Variants in RTEL1 observed in about 807,000 individuals in gnomAD.
RTEL1 encodes the protein regulator of telomere elongation helicase 1.
RTEL1 carries 86 observed loss-of-function variants against 162.2 expected under a neutral mutation model. The observed-to-expected ratio is 0.53, with a 90% CI of 0.45 to 0.63. RTEL1 has a LOEUF of 0.63. Among genes scored for constraint, RTEL1 ranks in the 30% least tolerant of loss-of-function variants. The pLI is 0.00. For missense variants in RTEL1, 1,941 were observed against 1,750.2 expected, an observed-to-expected ratio of 1.11 and a Z score of -1.95; for synonymous variants, 958 against 717.9, an observed-to-expected ratio of 1.33 and a Z score of -5.35.
chr20:63,668,293 C>T lies in RTEL1; in HGVS notation c.699+740C>T, dbSNP rs1334325759. Reference sequence around the variant, plus strand: ...TGTTCACGTGACGATGGCGTGGTGACGTTTCCAGATCCCGTCGTTGGTTCG... The same window carrying T: ...TGTTCACGTGACGATGGCGTGGTGATGTTTCCAGATCCCGTCGTTGGTTCG... On this transcript the variant is annotated intron_variant, in intron 8 of 34. Coordinates refer to ENST00000360203, the MANE Select transcript of RTEL1 (RefSeq NM_001283009.2). The surrounding 1 kb of genome is among the most constrained non-coding windows in gnomAD (Gnocchi z 4.3). Among the ~76,000 whole-genome samples, 2 of 152,134 alleles carry T rather than the reference C, an allele frequency of 1.3e-5. No individual in the cohort carries two copies. Among genetic ancestry groups the T allele is most frequent in the Non-Finnish European group, 2.9e-5 (2 of 68,030 alleles).
At chr20:63,679,566 C>T (rs1242271989) in intron 12 of RTEL1, among the ~76,000 whole-genome samples, 2 of 152,274 alleles carry the variant, frequency 1.3e-5, no homozygotes, top group East Asian at 3.9e-4. Context: ...CCTCTCCCCA[C>T]CTGGAGGCTC....
At chr20:63,690,980 C>G in intron 27 of RTEL1, 33 bp downstream of exon 27, 2 of 1,528,768 alleles carry the variant, frequency 1.3e-6, no homozygotes, top group Non-Finnish European at 1.8e-6. Flanking sequence ...TGGACACAGA[C>G]CCTCTGTCTC....
In RTEL1 at chr20:63,695,082, G is replaced by A; in HGVS notation, c.3360G>A (p.Val1120=). The change falls in exon 33 of 35, where the codon GTG becomes GTA. Residue 1120 remains valine (V), a synonymous_variant. Coordinates refer to ENST00000360203, the MANE Select transcript of RTEL1 (RefSeq NM_001283009.2). ...FPLLHRFSMF[V]RPHHKQRFSQ... Reference sequence around the variant, plus strand: ...TCCCCGCAGGGTTCAGCATGTTTGTGCGTCCACACCACAAGCAGCGCTTCT... The same window carrying A: ...TCCCCGCAGGGTTCAGCATGTTTGTACGTCCACACCACAAGCAGCGCTTCT... The A allele has an allele frequency of 6.2e-7, 1 of 1,612,282 alleles. No individual in the cohort carries two copies. Among genetic ancestry groups the A allele is most frequent in the East Asian group, 2.2e-5 (1 of 44,868 alleles).
chr20:63,691,058 CCTGGCAGG>C, intron 27 of RTEL1, 111 bp downstream of exon 27: 1 of 1,192,814 alleles, frequency 8.4e-7, no homozygotes, highest in South Asian at 1.6e-5. Context: ...AAATCCCCTG[CCTGGCAGG>C]CAGGCGGGCA....
intron 2 of RTEL1, chr20:63,660,638 T>C (rs1241375462): frequency 6.5e-6 from 1 of 152,874 alleles, no homozygotes; most frequent in African/African-American, 2.4e-5. Flanking sequence ...CCTTTCTACA[T>C]AGACACAGTA....
intron 14 of RTEL1, chr20:63,681,196 A>C (rs2146221939): frequency 1.0e-6 from 1 of 985,214 alleles, no homozygotes; most frequent in Non-Finnish European, 1.2e-6. Context: ...CCCCCTTCTC[A>C]TTGGCCCCGT....
At chr20:63,665,925 TCTGTC>T (rs2090117017) in intron 6 of RTEL1, 74 bp from the exon 7 acceptor site, 8 of 1,374,318 alleles carry the variant, frequency 5.8e-6, no homozygotes, top group African/African-American at 1.4e-5. Flanking sequence ...TAGGAGCCGT[TCTGTC>T]CTGGGCATCC....
At position 63,662,861 on chromosome 20, in the gene RTEL1, C is replaced by T. The variant is rs2090048741; in HGVS notation, c.510C>T (p.Arg170=). The T allele has an allele frequency of 3.7e-6, 6 of 1,613,932 alleles. No individual in the cohort carries two copies. In the African/African-American group the frequency reaches 6.7e-5, roughly 18 times the overall value. The change falls in exon 6 of 35, where the codon CGC becomes CGT. Residue 170 remains arginine (R), a synonymous_variant. Transcript: ENST00000360203. Reference sequence around the variant, plus strand: ...TGTGCCGTAAGAAGGTGGCAAGTCGCTCCTGTCATTTCTACAACAACGTAG... The same window carrying T: ...TGTGCCGTAAGAAGGTGGCAAGTCGTTCCTGTCATTTCTACAACAACGTAG... The part of the protein sequence containing the change: ...IHLCRKKVAS[R]SCHFYNNVEE...
At chr20:63,672,734 C>A in intron 9 of RTEL1, 113 bp downstream of exon 9, 1 of 870,342 alleles carries the variant, frequency 1.1e-6, no homozygotes, top group Non-Finnish European at 1.9e-6. Context: ...CCTAGGTGCC[C>A]AGGACTGGGG....
chr20:63,690,495 T>TGGGGGGGGGG, intron 26 of RTEL1, 54 bp downstream of exon 26: 1 of 594,924 alleles, frequency 1.7e-6, no homozygotes, highest in Non-Finnish European at 2.7e-6. Context: ...GCGGGCGGCG[T>TGGGGGGGGGG]GGGGCGGGCA....
At position 63,679,964 on chromosome 20, in the gene RTEL1, G is replaced by A. The variant is rs1415278769; in HGVS notation, c.1135+18G>A. On this transcript the variant is annotated intron_variant, in intron 13 of 34. Coordinates refer to ENST00000360203, the MANE Select transcript of RTEL1 (RefSeq NM_001283009.2). Reference sequence around the variant, plus strand: ...GGCAGGACGTGAGTGCTGGCACGGGGTCTTTGGTGCGGGCAAATGTGGCGT... The same window carrying A: ...GGCAGGACGTGAGTGCTGGCACGGGATCTTTGGTGCGGGCAAATGTGGCGT... The A allele has an allele frequency of 6.3e-7, 1 of 1,588,556 alleles. No homozygotes were observed. Among genetic ancestry groups the A allele is most frequent in the African/African-American group, 1.3e-5 (1 of 74,454 alleles).
At chr20:63,673,312 C>T (rs1217319235) in intron 9 of RTEL1, among the ~76,000 whole-genome samples, 5 of 151,114 alleles carry the variant, frequency 3.3e-5, no homozygotes, top group Admixed American at 6.6e-5. Context: ...GAGAATCACT[C>T]GAACCCAGGA....
intron 14 of RTEL1, among the ~76,000 whole-genome samples, chr20:63,684,946 C>T (rs1294276846): frequency 6.6e-6 from 1 of 151,804 alleles, no homozygotes; most frequent in Non-Finnish European, 1.5e-5. Flanking sequence ...GGGACCATCA[C>T]AGCTCACTGC....
intron 6 of RTEL1, among the ~76,000 whole-genome samples, chr20:63,663,472 C>T (rs2090061184): frequency 6.6e-6 from 1 of 152,230 alleles, no homozygotes. Context: ...CAGGAGCCGG[C>T]CGGGGCAGCT....
rs1285993563 is a variant in RTEL1 at position 63,688,387 on chromosome 20, G to C, written c.1722+1G>C. 6.2e-7 allele frequency: 1 copy of C among 1,612,430 alleles called. No homozygotes were observed. The highest frequency in any genetic ancestry group is 1.3e-5 in the African/African-American group (1 of 74,930). ...GGAGAAGAGCCTGGAGTTCTGGCGG[G>C]TGCGTCTCCCCTGTGTTCTGGGCGG... On this transcript the variant is annotated splice_donor_variant, in intron 20 of 34. Coordinates refer to ENST00000360203, the MANE Select transcript of RTEL1 (RefSeq NM_001283009.2). LOFTEE classifies it high-confidence loss of function.
rs745351879 is a variant in RTEL1 at position 63,685,045 on chromosome 20, G to GT, written c.1192-459dup. Among the ~76,000 whole-genome samples, 1,207 of 127,466 alleles carry GT rather than the reference G, an allele frequency of 9.5e-3. 11 individuals are homozygous for GT. The highest frequency in any genetic ancestry group is 0.015 in the African/African-American group (513 of 34,058). The allele number at this position is 127,466 out of a possible 152,430, so 83.6% of individuals were successfully genotyped here. A position where few individuals can be genotyped will look rare whatever the true frequency, so the allele number is the denominator to read the frequency against. ...GGCACATGCCACCATGCCCGGCTAG[G>GT]TTTTTTTTTTTTTTTTTTTGGTGAA... On this transcript the variant is annotated intron_variant, in intron 14 of 34. Transcript: ENST00000360203.
chr20:63,661,211 C>G lies in RTEL1; in HGVS notation c.103-87C>G. Reference sequence around the variant, plus strand: ...CTCTGCATCTGCAAAGAGCTGCCCGCTGGCTGCCGAAGCTTGTCTCAGGGC... The same window carrying G: ...CTCTGCATCTGCAAAGAGCTGCCCGGTGGCTGCCGAAGCTTGTCTCAGGGC... On this transcript the variant is annotated intron_variant, in intron 2 of 34. Coordinates refer to ENST00000360203, the MANE Select transcript of RTEL1 (RefSeq NM_001283009.2). The surrounding 1 kb of genome is among the most constrained non-coding windows in gnomAD (Gnocchi z 5.1). The G allele has an allele frequency of 5.5e-6, 7 of 1,280,178 alleles. No homozygotes were observed. Among genetic ancestry groups the G allele is most frequent in the Non-Finnish European group, 7.7e-6 (7 of 907,470 alleles). 79.3% of individuals were successfully genotyped at this position (1,280,178 alleles called of 1,614,324 possible). A position where few individuals can be genotyped will look rare whatever the true frequency, so the allele number is the denominator to read the frequency against.
rs772686095 is a variant in RTEL1, at chr20:63,690,885, A to C, written c.2494A>C (p.Arg832=). ...GCCAGTTCCTGCCCGGCAGAGGCCC[A>C]GGGGGCTGCTGGCCGCCCTGGAGCA... ...QEPVPARQRP[R]GLLAALEHSE... is the part of the protein sequence containing the mutation. Residue 832 remains arginine (R), a synonymous_variant, in exon 27 of 35, where the codon AGG becomes CGG. Coordinates refer to ENST00000360203, the MANE Select transcript of RTEL1 (RefSeq NM_001283009.2). 3 of 1,591,548 alleles carry C rather than the reference A, an allele frequency of 1.9e-6. No individual in the cohort carries two copies. In the South Asian group the frequency reaches 3.4e-5, roughly 18 times the overall value.
chr20:63,694,052 AG>A (rs1363140511), intron 30 of RTEL1, among the ~76,000 whole-genome samples: 1 of 151,970 alleles, frequency 6.6e-6, no homozygotes, highest in Non-Finnish European at 1.5e-5. Context: ...TAGTTCACCC[AG>A]GGGGGAACCT....
Sources: gnomAD v4.1 joint callset for allele counts (sites outside exome capture counted in the v4.1 genomes callset) on GRCh38, gnomAD v4.1.1 for gene constraint, Gnocchi (gnomAD v3.1) non-coding constraint, MANE v1.5 for transcripts, NCBI Gene and HGNC (gene_info 2026-07-23, HGNC 2026-07-21) for gene names.